PRUNE2: variants seen among roughly 807,000 people sequenced by gnomAD.
PRUNE2 encodes the protein prune homolog 2 with BCH domain, also known as protein prune homolog 2.
In PRUNE2, 164 loss-of-function variants were observed where a neutral mutation model predicts 252.0. The ratio of observed to expected loss-of-function variants is 0.65; its 90% CI spans 0.57 to 0.74. PRUNE2 has a LOEUF of 0.74. Ranked by LOEUF, PRUNE2 falls within the 30% of genes least tolerant of loss-of-function variation. PRUNE2 has a pLI of 0.00. For synonymous variants in PRUNE2, 1,292 were observed against 1,350.2 expected (o/e 0.96, Z 0.94); for missense variants, 3,495 against 3,711.0 (o/e 0.94, Z 1.51).
intron 1 of PRUNE2, among the ~76,000 whole-genome samples, chr9:76,879,894 TA>T (rs2061668064): frequency 3.3e-5 from 3 of 90,548 alleles, no homozygotes; most frequent in African/African-American, 5.9e-5. Context: ...TATATATATA[TA>T]TATATATATT....
intron 9 of PRUNE2, among the ~76,000 whole-genome samples, chr9:76,677,964 G>T (rs538496784): frequency 1.4e-4 from 22 of 152,290 alleles, no homozygotes; most frequent in Admixed American, 1.1e-3. Context: ...GGAACAACTG[G>T]TCATATCTTT....
chr9:76,822,366 C>T (rs910787304), intron 6 of PRUNE2, among the ~76,000 whole-genome samples: 1 of 152,102 alleles, frequency 6.6e-6, no homozygotes, highest in East Asian at 1.9e-4. Context: ...AATTATAATG[C>T]GTATGAACTG....
chr9:76,741,425 G>C (rs2049609311), intron 6 of PRUNE2, among the ~76,000 whole-genome samples: 1 of 152,202 alleles, frequency 6.6e-6, no homozygotes. Context: ...ATATACTGTG[G>C]AGTCCTAATT....
At chr9:76,819,471 C>T (rs748811136) in intron 6 of PRUNE2, 2 of 152,146 alleles carry the variant, frequency 1.3e-5, no homozygotes, top group African/African-American at 2.4e-5. Context: ...GATTCTCTCC[C>T]ACAGCTCTTG....
intron 6 of PRUNE2, among the ~76,000 whole-genome samples, chr9:76,762,931 A>C (rs1380583817): frequency 2.6e-5 from 4 of 152,206 alleles, no homozygotes; most frequent in Admixed American, 2.6e-4. Context: ...ATTTTTTTAA[A>C]ACAGACAAAA....
intron 6 of PRUNE2, among the ~76,000 whole-genome samples, chr9:76,767,055 T>C (rs1442230981): frequency 6.6e-6 from 1 of 152,214 alleles, no homozygotes; most frequent in Non-Finnish European, 1.5e-5. Flanking sequence ...TATTCTGGTA[T>C]AGCGTCTCCA....
intron 1 of PRUNE2, among the ~76,000 whole-genome samples, chr9:76,879,597 C>A (rs1013698437): frequency 7.3e-5 from 11 of 151,040 alleles, no homozygotes; most frequent in East Asian, 5.8e-4. Context: ...AAAAAAATAA[C>A]AGGGAAAAGT....
Position 76,742,301 on chromosome 9 carries a change from A to T in PRUNE2, c.757-28580T>A, listed in dbSNP as rs528056458. 3.9e-5 allele frequency among the ~76,000 whole-genome samples: 6 copies of T among 152,280 alleles called. No homozygotes were observed. The South Asian group carries it at 1.2e-3, about 32-fold the overall frequency. On this transcript the variant is annotated intron_variant, in intron 6 of 18. Coordinates refer to ENST00000376718, the MANE Select transcript of PRUNE2 (RefSeq NM_015225.3). ...CAAATATTAATCCTTAACATACATAACTTTAAAAAAAATCAATTAGAAGAA... is the reference window on the plus strand; with the variant it reads ...CAAATATTAATCCTTAACATACATATCTTTAAAAAAAATCAATTAGAAGAA...
Position 76,707,580 on chromosome 9 carries a change from C to A in PRUNE2, c.4694G>T (p.Ser1565Ile). 6.2e-7 allele frequency: 1 copy of A among 1,613,938 alleles called. No individual in the cohort carries two copies. ...VALSSWGQQP[S>I]SGYQEENQGN... is the part of the protein sequence containing the mutation. ...TTGGTTTTCTTCTTGATACCCAGAA[C>A]TGGGTTGCTGGCCCCAGGAGGACAG... The change falls in exon 8 of 19, where the codon AGT becomes ATT. Residue 1565 changes from serine (S) to isoleucine (I), a missense_variant. By Grantham distance (142) the Ser-to-Ile change is moderately radical. Transcript: ENST00000376718.
chr9:76,893,012 C>T (rs6560560), intron 1 of PRUNE2, among the ~76,000 whole-genome samples: 64,596 of 151,962 alleles, frequency 0.43, 13,884 homozygotes, highest in Middle Eastern at 0.49. Context: ...TGAGATCCTT[C>T]ATGACAAAGA....
At position 76,752,134 on chromosome 9, in the gene PRUNE2, G is replaced by A. The variant is rs1320248810; in HGVS notation, c.757-38413C>T. ...TTTTTTTGAGACGGAGTCTCACTCT[G>A]TCGCCCAGGCTGGAGTGCAATGGTG... On this transcript the variant is annotated intron_variant, in intron 6 of 18. Coordinates refer to ENST00000376718, the MANE Select transcript of PRUNE2 (RefSeq NM_015225.3). Among the ~76,000 whole-genome samples, 4 of 143,846 alleles carry A rather than the reference G, an allele frequency of 2.8e-5. No homozygotes were observed. In the East Asian group the frequency reaches 7.9e-4, roughly 28 times the overall value. 94.4% of individuals were successfully genotyped at this position (143,846 alleles called of 152,430 possible).
At chr9:76,626,970 A>G (rs1835071189) in intron 16 of PRUNE2, among the ~76,000 whole-genome samples, 1 of 152,106 alleles carries the variant, frequency 6.6e-6, no homozygotes, top group Non-Finnish European at 1.5e-5. Context: ...TTTTCATTCT[A>G]TTGCCTCTGT....
chr9:76,720,918 G>A lies in PRUNE2; in HGVS notation c.757-7197C>T, dbSNP rs1162607501. Among the ~76,000 whole-genome samples, 4 of 152,080 alleles carry A rather than the reference G, an allele frequency of 2.6e-5. No homozygotes were observed. In the East Asian group the frequency reaches 5.8e-4, roughly 22 times the overall value. ...CACAAGATCAGGAGATCGAGACCAC[G>A]GTGAAACCCCATCTCCACTAAAAAT... On this transcript the variant is annotated intron_variant, in intron 6 of 18. Transcript: ENST00000376718.
intron 6 of PRUNE2, among the ~76,000 whole-genome samples, chr9:76,727,671 G>T (rs1282539068): frequency 1.1e-4 from 10 of 92,252 alleles, no homozygotes; most frequent in South Asian, 3.9e-4. Flanking sequence ...GTCAAGCAAA[G>T]TTGTACTATT....
chr9:76,713,626 T>A lies in PRUNE2; in HGVS notation c.852A>T (p.Ser284=). 6.2e-7 allele frequency: 1 copy of A among 1,605,052 alleles called. No homozygotes were observed. Among genetic ancestry groups the A allele is most frequent in the East Asian group, 2.2e-5 (1 of 44,640 alleles). The change falls in exon 7 of 19, where the codon TCA becomes TCT. Residue 284 remains serine (S), a synonymous_variant. Transcript: ENST00000376718. Reference sequence around the variant, plus strand: ...TCTGTCGTCTCGGCTGCTGCTCCTCTGACAGATAGCTGGAGAACAGGATGA... The same window carrying A: ...TCTGTCGTCTCGGCTGCTGCTCCTCAGACAGATAGCTGGAGAACAGGATGA... The part of the protein sequence containing the change: ...DVLILFSSYL[S]EEQQPRRQIA...
intron 6 of PRUNE2, among the ~76,000 whole-genome samples, chr9:76,783,375 G>C (rs2054631419): frequency 6.6e-6 from 1 of 151,954 alleles, no homozygotes; most frequent in African/African-American, 2.4e-5. Flanking sequence ...GACCTCAGGT[G>C]ACCCACCTGC....
intron 6 of PRUNE2, among the ~76,000 whole-genome samples, chr9:76,781,502 G>A (rs1282327783): frequency 1.3e-5 from 2 of 152,096 alleles, no homozygotes; most frequent in Non-Finnish European, 2.9e-5. Flanking sequence ...GGCCTATATT[G>A]TATATGCTTG....
chr9:76,651,609 T>A (rs1026018553), intron 11 of PRUNE2, among the ~76,000 whole-genome samples: 1 of 151,730 alleles, frequency 6.6e-6, no homozygotes, highest in Non-Finnish European at 1.5e-5. Flanking sequence ...TAATGCCATT[T>A]AAAAAAAAAT....
Position 76,707,902 on chromosome 9 carries a change from C to T in PRUNE2, c.4372G>A (p.Val1458Ile), listed in dbSNP as rs764351608. 4 of 1,613,892 alleles carry T rather than the reference C, an allele frequency of 2.5e-6. No individual in the cohort carries two copies. The highest frequency in any genetic ancestry group is 1.7e-5 in the Admixed American group (1 of 60,028). Residue 1458 changes from valine (V) to isoleucine (I), a missense_variant, in exon 8 of 19, where the codon GTA becomes ATA. Transcript: ENST00000376718. ...GTTTTCTCAAGATCCTTTTCAGGTACAGATACATATTTTGTGAAATTCATC... is the reference window on the plus strand; with the variant it reads ...GTTTTCTCAAGATCCTTTTCAGGTATAGATACATATTTTGTGAAATTCATC... ...DGMNFTKYVS[V>I]PEKDLEKTEE...
Sources: gnomAD v4.1 joint callset for allele counts (sites outside exome capture counted in the v4.1 genomes callset) on GRCh38, gnomAD v4.1.1 for gene constraint, MANE v1.5 for transcripts, NCBI Gene and HGNC (gene_info 2026-07-23, HGNC 2026-07-21) for gene names.